Variants in CEP15 observed in about 807,000 individuals in gnomAD.
The protein encoded by CEP15 is centrosomal protein 15 kDa.
At chr3:62,324,711 G>C in the CEP15 span, among the ~76,000 whole-genome samples, 8 of 152,118 alleles carry the variant, frequency 5.3e-5, no homozygotes, top group Non-Finnish European at 1.2e-4. Context: ...GACAAGTTAA[G>C]TTACATCTAG....
At chr3:62,331,972 A>T in the CEP15 span, among the ~76,000 whole-genome samples, 1 of 152,104 alleles carries the variant, frequency 6.6e-6, no homozygotes, top group African/African-American at 2.4e-5. Flanking sequence ...ATTTTTAATG[A>T]CCTTTCTCAA....
At chr3:62,324,187 C>T in the CEP15 span, 2 of 151,970 alleles carry the variant, frequency 1.3e-5, no homozygotes, top group Non-Finnish European at 2.9e-5. Context: ...CCCAGGAGTT[C>T]AGGACCAGCC....
At chr3:62,331,716 C>T in the CEP15 span, among the ~76,000 whole-genome samples, 3 of 152,094 alleles carry the variant, frequency 2.0e-5, no homozygotes, top group Admixed American at 6.6e-5. Flanking sequence ...GATGACAACA[C>T]GCCTAACTCA....
the CEP15 span, chr3:62,320,617 A>G: frequency 1.1e-6 from 1 of 911,586 alleles, no homozygotes; most frequent in Admixed American, 2.6e-5. Flanking sequence ...AAAATTTGCA[A>G]GCATGTCATT....
At chr3:62,329,659 A>G in the CEP15 span, among the ~76,000 whole-genome samples, 5 of 152,308 alleles carry the variant, frequency 3.3e-5, no homozygotes, top group East Asian at 9.7e-4. Flanking sequence ...ACCAGGCCAC[A>G]TGTCTCCTAT....
chr3:62,326,960 G>C, the CEP15 span, among the ~76,000 whole-genome samples: 25 of 152,286 alleles, frequency 1.6e-4, no homozygotes, highest in South Asian at 3.5e-3. Flanking sequence ...TATTCAGTCA[G>C]AGTTCACATT....
the CEP15 span, chr3:62,335,368 C>G: frequency 6.6e-6 from 1 of 151,850 alleles, no homozygotes; most frequent in East Asian, 1.9e-4. Context: ...CTCAAAAACT[C>G]CCAGAGATGA....
the CEP15 span, chr3:62,322,196 A>T: frequency 2.3e-6 from 2 of 851,116 alleles, no homozygotes; most frequent in African/African-American, 1.8e-5. This position sits in a 1 kb window ranked among gnomAD's most constrained non-coding sequence, Gnocchi z 5.5. Flanking sequence ...TTAAAAGCCC[A>T]TGTCAGTTAG....
At chr3:62,324,727 G>T in the CEP15 span, among the ~76,000 whole-genome samples, 2 of 152,028 alleles carry the variant, frequency 1.3e-5, no homozygotes, top group African/African-American at 4.8e-5. Flanking sequence ...TCTAGGACAG[G>T]TACTTCAGAA....
the CEP15 span, among the ~76,000 whole-genome samples, chr3:62,326,649 T>C: frequency 6.6e-6 from 1 of 152,158 alleles, no homozygotes; most frequent in Non-Finnish European, 1.5e-5. Context: ...TTAACTGTTA[T>C]GAAGAGTTTC....
At chr3:62,321,830 A>C in the CEP15 span, 1 of 859,000 alleles carries the variant, frequency 1.2e-6, no homozygotes, top group Non-Finnish European at 1.8e-6. The surrounding 1 kb of genome is among the most constrained non-coding windows in gnomAD (Gnocchi z 4.1). Context: ...GTTAGAGTTG[A>C]AGTGAGGTGC....
chr3:62,323,493 T>C, the CEP15 span, among the ~76,000 whole-genome samples: 1 of 152,190 alleles, frequency 6.6e-6, no homozygotes, highest in Non-Finnish European at 1.5e-5. Context: ...AGGTTGGATA[T>C]GTGTTATGGG....
the CEP15 span, chr3:62,324,239 A>C: frequency 6.6e-6 from 1 of 151,738 alleles, no homozygotes; most frequent in Non-Finnish European, 1.5e-5. Flanking sequence ...AAAAAAGTTA[A>C]AAAACTAGCT....
At chr3:62,320,322 T>G in the CEP15 span, 2 of 570,786 alleles carry the variant, frequency 3.5e-6, no homozygotes, top group Non-Finnish European at 6.0e-6. Context: ...CATCCTTTCA[T>G]TTTATACATT....
At chr3:62,326,939 A>G in the CEP15 span, among the ~76,000 whole-genome samples, 278 of 152,310 alleles carry the variant, frequency 1.8e-3, no homozygotes, top group African/African-American at 6.4e-3. Flanking sequence ...AATTACCACT[A>G]ATTCCTCAAG....
the CEP15 span, among the ~76,000 whole-genome samples, chr3:62,331,909 A>C: frequency 6.6e-6 from 1 of 152,138 alleles, no homozygotes; most frequent in African/African-American, 2.4e-5. Flanking sequence ...TTGGTATATG[A>C]ATATGTTTGT....
the CEP15 span, among the ~76,000 whole-genome samples, chr3:62,329,621 G>A: frequency 1.3e-5 from 2 of 152,176 alleles, no homozygotes; most frequent in African/African-American, 4.8e-5. Context: ...AGAGGTAACA[G>A]TCAAGTGTCT....
chr3:62,335,510 C>T, the CEP15 span: 6 of 146,896 alleles, frequency 4.1e-5, no homozygotes, highest in Non-Finnish European at 8.9e-5. Flanking sequence ...CATTAATGGG[C>T]TTTATGTTCC....
the CEP15 span, chr3:62,319,331 G>C: frequency 2.0e-5 from 3 of 152,224 alleles, no homozygotes; most frequent in Non-Finnish European, 4.4e-5. Flanking sequence ...GACTTTCCGG[G>C]ATTCCCTTGG....
Sources: allele counts gnomAD v4.1 joint callset (sites outside exome capture counted in the v4.1 genomes callset), GRCh38; gene constraint gnomAD v4.1.1; non-coding constraint Gnocchi (gnomAD v3.1); transcripts MANE v1.5; gene names NCBI Gene and HGNC (gene_info 2026-07-23, HGNC 2026-07-21).